Variants in PLA2R1 observed in about 807,000 individuals in gnomAD.
The protein encoded by PLA2R1 is secretory phospholipase A2 receptor.
A neutral mutation model predicts 195.9 loss-of-function variants in PLA2R1; 158 were observed. That is an observed-to-expected ratio of 0.81 (90% CI 0.71 to 0.92). PLA2R1 has a LOEUF of 0.92. Among genes scored for constraint, PLA2R1 ranks in the 40% least tolerant of loss-of-function variants. PLA2R1 has a pLI of 0.00. For missense variants in PLA2R1, 1,626 were observed against 1,764.6 expected (o/e 0.92, Z 1.41); for synonymous variants, 586 against 598.2 (o/e 0.98, Z 0.30).
rs756083113 is a variant in PLA2R1, at chr2:159,976,701, C to CGGAA, written c.2417_2420dup (p.Phe808SerfsTer31). 1.9e-6 allele frequency: 3 copies of CGGAA among 1,607,406 alleles called. No individual in the cohort carries two copies. In the Admixed American group the frequency reaches 5.0e-5, roughly 27 times the overall value. On this transcript the variant is annotated frameshift_variant, in exon 16 of 30. Coordinates refer to ENST00000283243, the MANE Select transcript of PLA2R1 (RefSeq NM_007366.5). LOFTEE classifies it high-confidence loss of function. The stretch of plus-strand genomic sequence containing the variant: ...CATTCTTACCGTACTGGTACCAGAA[C>CGGAA]GGAATCTTGGGTTTCACATCTGCAA...
chr2:160,053,108 C>T (rs1453122503), intron 1 of PLA2R1, among the ~76,000 whole-genome samples: 2 of 152,138 alleles, frequency 1.3e-5, no homozygotes, highest in African/African-American at 4.8e-5. Flanking sequence ...GGGATGGTTC[C>T]TTCCAAGGGC....
chr2:159,947,040 G>A (rs1687433555), intron 26 of PLA2R1, 123 bp from the exon 27 acceptor site: 1 of 661,234 alleles, frequency 1.5e-6, no homozygotes, highest in Non-Finnish European at 2.5e-6. Flanking sequence ...CCATTATAAA[G>A]AAGAGACTTT....
intron 10 of PLA2R1, among the ~76,000 whole-genome samples, chr2:160,010,786 A>C (rs1378792823): frequency 1.3e-5 from 2 of 152,338 alleles, no homozygotes; most frequent in African/African-American, 4.8e-5. Context: ...ACTCTGAATG[A>C]TTAAAAACCA....
intron 4 of PLA2R1, among the ~76,000 whole-genome samples, chr2:160,031,240 T>C (rs1693830968): frequency 6.6e-6 from 1 of 152,202 alleles, no homozygotes; most frequent in Non-Finnish European, 1.5e-5. Flanking sequence ...TGGGGATGTA[T>C]GCACAAAGGT....
At chr2:160,042,918 G>A (rs1694635037) in intron 2 of PLA2R1, among the ~76,000 whole-genome samples, 2 of 151,426 alleles carry the variant, frequency 1.3e-5, no homozygotes. Context: ...GGGGCACAGG[G>A]CACTACTTTG....
At chr2:160,048,620 T>C (rs1490936813) in intron 1 of PLA2R1, among the ~76,000 whole-genome samples, 1 of 152,130 alleles carries the variant, frequency 6.6e-6, no homozygotes, top group Non-Finnish European at 1.5e-5. Context: ...ATCCTTAGTG[T>C]GCATAGTTGT....
intron 1 of PLA2R1, among the ~76,000 whole-genome samples, chr2:160,048,759 T>C (rs1483618797): frequency 2.0e-5 from 3 of 152,194 alleles, no homozygotes; most frequent in East Asian, 1.9e-4. Context: ...CTAAATCTCT[T>C]TGCAGGAAAA....
At chr2:159,999,774 A>G (rs900202329) in intron 11 of PLA2R1, among the ~76,000 whole-genome samples, 1 of 152,164 alleles carries the variant, frequency 6.6e-6, no homozygotes, top group East Asian at 1.9e-4. Flanking sequence ...TTAAAAACAC[A>G]GAGAGAGACA....
intron 1 of PLA2R1, among the ~76,000 whole-genome samples, chr2:160,054,550 A>G (rs1029560656): frequency 3.9e-5 from 6 of 152,216 alleles, no homozygotes; most frequent in Non-Finnish European, 5.9e-5. Flanking sequence ...TTTTATTTCC[A>G]TATTTCTTTG....
At position 159,943,416 on chromosome 2, in the gene PLA2R1, G is replaced by A. The variant is rs984051966; in HGVS notation, c.4145-1257C>T. On this transcript the variant is annotated intron_variant, in intron 28 of 29. Coordinates refer to ENST00000283243, the MANE Select transcript of PLA2R1 (RefSeq NM_007366.5). ...AATTTTCAGAACACAAGTGATAATT[G>A]AATATAGTCATATAATTTGTATAGT... Among the ~76,000 whole-genome samples, 4 of 152,152 alleles carry A rather than the reference G, an allele frequency of 2.6e-5. No individual in the cohort carries two copies. In the South Asian group the frequency reaches 8.3e-4, roughly 32 times the overall value.
Position 159,984,022 on chromosome 2 carries a change from C to T in PLA2R1, c.2089G>A (p.Ala697Thr). The T allele has an allele frequency of 1.9e-6, 3 of 1,592,840 alleles. No individual in the cohort carries two copies. Among genetic ancestry groups the T allele is most frequent in the Non-Finnish European group, 2.6e-6 (3 of 1,161,404 alleles). Residue 697 changes from alanine (A) to threonine (T), a missense_variant, in exon 13 of 30, where the codon GCA becomes ACA. By Grantham distance (58) the Ala-to-Thr change is moderately conservative. Coordinates refer to ENST00000283243, the MANE Select transcript of PLA2R1 (RefSeq NM_007366.5). ...LMKRTWREAEAFCEEFGAHLA... is the reference protein window; with the variant it reads ...LMKRTWREAETFCEEFGAHLA... ...TGAGCTCCAAATTCTTCGCAAAATG[C>T]TTCAGCTTCTCTCCATGTTCTTTTC...
At chr2:159,925,967 G>T in the PLA2R1 span, among the ~76,000 whole-genome samples, 1 of 152,138 alleles carries the variant, frequency 6.6e-6, no homozygotes. Context: ...CTTTTTGGTG[G>T]GGGGAGGAAG....
At chr2:160,043,512 T>C (rs376467230) in intron 2 of PLA2R1, among the ~76,000 whole-genome samples, 11 of 152,258 alleles carry the variant, frequency 7.2e-5, no homozygotes, top group African/African-American at 2.4e-4. Context: ...TTTCCCACAA[T>C]TGGCAGGGGC....
At chr2:159,949,922 T>C (rs1335863808) in intron 24 of PLA2R1, 146 bp from the exon 25 acceptor site, 11 of 611,442 alleles carry the variant, frequency 1.8e-5, no homozygotes, top group Non-Finnish European at 2.6e-5. Context: ...TGAATACAGC[T>C]TGACAAACAG....
intron 20 of PLA2R1, among the ~76,000 whole-genome samples, chr2:159,958,645 A>T (rs1262132548): frequency 6.6e-6 from 1 of 152,118 alleles, no homozygotes; most frequent in Non-Finnish European, 1.5e-5. Flanking sequence ...AGACCCTAAA[A>T]TGGTTGTCAA....
chr2:160,049,877 A>T (rs1559014494), intron 1 of PLA2R1, among the ~76,000 whole-genome samples: 1 of 152,154 alleles, frequency 6.6e-6, no homozygotes, highest in Non-Finnish European at 1.5e-5. Flanking sequence ...CTTAAAAACA[A>T]GTGATAACAC....
At chr2:160,022,142 A>G (rs920277229) in intron 7 of PLA2R1, among the ~76,000 whole-genome samples, 2 of 152,236 alleles carry the variant, frequency 1.3e-5, no homozygotes, top group African/African-American at 4.8e-5. Context: ...TATGTCAAAT[A>G]CATGACACAG....
Position 160,016,720 on chromosome 2 carries a change from G to GA in PLA2R1, c.1453-9dup. On this transcript the variant is annotated splice_polypyrimidine_tract_variant and intron_variant, in intron 8 of 29. Transcript: ENST00000283243. ...GACTTTCCAGTGTCCCTCCTACGGA[G>GA]AAAAATGTTACAAGAGAATGAATAC... 1 of 1,386,788 alleles carries GA rather than the reference G, an allele frequency of 7.2e-7. No individual in the cohort carries two copies. The allele number at this position is 1,386,788 out of a possible 1,614,324, so 85.9% of individuals were successfully genotyped here.
intron 4 of PLA2R1, among the ~76,000 whole-genome samples, chr2:160,031,015 T>G (rs1211265771): frequency 1.3e-5 from 2 of 152,220 alleles, no homozygotes; most frequent in African/African-American, 4.8e-5. Context: ...TAAAAACCAT[T>G]TCAGGCTTAA....
Sources: allele counts gnomAD v4.1 joint callset (sites outside exome capture counted in the v4.1 genomes callset), GRCh38; gene constraint gnomAD v4.1.1; transcripts MANE v1.5; gene names NCBI Gene and HGNC (gene_info 2026-07-23, HGNC 2026-07-21).